The following CIC variants were observed in gnomAD, a reference collection of about 807,000 sequenced individuals.
CIC encodes the protein capicua transcriptional repressor, also known as protein capicua homolog.
CIC carries 18 observed loss-of-function variants against 115.7 expected under a neutral mutation model. The observed-to-expected ratio is 0.16, with a 90% confidence interval of 0.11 to 0.23. The LOEUF is 0.23. Among genes scored for constraint, CIC ranks in the 10% least tolerant of loss-of-function variants. CIC has a pLI of 1.00. For missense variants in CIC, 2,000 were observed against 2,159.3 expected, an observed-to-expected ratio of 0.93 and a Z score of 1.46; for synonymous variants, 1,076 against 923.0, an observed-to-expected ratio of 1.17 and a Z score of -3.01.
At position 42,291,075 on chromosome 19, in the gene CIC, G is replaced by A. The variant is rs1253547839; in HGVS notation, c.5034G>A (p.Gly1678=). Residue 1678 remains glycine (G), a synonymous_variant, in exon 11 of 21, where the codon GGG becomes GGA. Transcript: ENST00000681038. ...CTAACCTACTGGTGGGCACCCCGGGGTATGGGGCCCCTGCGCCCCCTGCTG... is the reference window on the plus strand; with the variant it reads ...CTAACCTACTGGTGGGCACCCCGGGATATGGGGCCCCTGCGCCCCCTGCTG... ...TVTNLLVGTP[G]YGAPAPPAVQ... 2 of 1,613,820 alleles carry A rather than the reference G, an allele frequency of 1.2e-6. No individual in the cohort carries two copies. The highest frequency in any genetic ancestry group is 1.3e-5 in the African/African-American group (1 of 75,030).
Position 42,270,037 on chromosome 19 carries a change from CG to C in CIC, c.-11+657del, listed in dbSNP as rs1283457898. 6.6e-6 allele frequency among the ~76,000 whole-genome samples: 1 copy of C among 151,966 alleles called. No homozygotes were observed. Among genetic ancestry groups the C allele is most frequent in the Non-Finnish European group, 1.5e-5 (1 of 67,984 alleles). ...TAGGGGAAAGAAAGCAGCTCTGGGG[CG>C]AAGAGAGGCTGGGCCAGGCAGCAAG... On this transcript the variant is annotated intron_variant, in intron 1 of 20. Coordinates refer to ENST00000681038, the MANE Select transcript of CIC (RefSeq NM_001386298.1). This position sits in a 1 kb window ranked among gnomAD's most constrained non-coding sequence, Gnocchi z 4.1.
chr19:42,282,729 C>G (rs958834009), intron 2 of CIC, among the ~76,000 whole-genome samples: 2 of 152,214 alleles, frequency 1.3e-5, no homozygotes, highest in African/African-American at 4.8e-5. Context: ...ATCTCTGAGG[C>G]TCATTTTTTC....
chr19:42,276,460 C>G (rs2036981254), intron 2 of CIC, among the ~76,000 whole-genome samples: 1 of 152,128 alleles, frequency 6.6e-6, no homozygotes, highest in African/African-American at 2.4e-5. Flanking sequence ...TGGGTAGGAG[C>G]CGCTGTGGCT....
chr19:42,273,850 G>T lies in CIC; in HGVS notation c.2067G>T (p.Glu689Asp), dbSNP rs1196324002. Residue 689 changes from glutamate (E) to aspartate (D), a missense_variant, in exon 2 of 21, where the codon GAG (glutamate) becomes GAT (aspartate). Transcript: ENST00000681038. ...GPHPPPPAPRERHSSGILPTF... is the reference protein window; with the variant it reads ...GPHPPPPAPRDRHSSGILPTF... ...ACCCACCGCCACCTGCCCCCCGAGAGCGCCACTCCTCTGGAATCCTACCCA... is the reference window on the plus strand; with the variant it reads ...ACCCACCGCCACCTGCCCCCCGAGATCGCCACTCCTCTGGAATCCTACCCA... 2.0e-5 allele frequency: 8 copies of T among 398,512 alleles called. No individual in the cohort carries two copies. The highest frequency in any genetic ancestry group is 3.1e-5 in the Non-Finnish European group (7 of 226,178). The allele number at this position is 398,512 out of a possible 1,614,324, so 24.7% of individuals were successfully genotyped here.
intron 2 of CIC, among the ~76,000 whole-genome samples, chr19:42,282,262 G>A (rs1443210177): frequency 6.6e-6 from 1 of 152,204 alleles, no homozygotes; most frequent in Admixed American, 6.5e-5. Context: ...TTTGGGCTCA[G>A]GTTACCCAGT....
At chr19:42,292,540 C>T (rs200337514) in intron 14 of CIC, 26 bp from the exon 15 acceptor site, 58 of 1,612,538 alleles carry the variant, frequency 3.6e-5, no homozygotes, top group Non-Finnish European at 4.7e-5. Flanking sequence ...AACTTGGTCT[C>T]CTGCTTCTTC....
At chr19:42,290,211 T>C in intron 10 of CIC, 22 bp from the exon 11 acceptor site, 1 of 1,613,716 alleles carries the variant, frequency 6.2e-7, no homozygotes, top group Non-Finnish European at 8.5e-7. Context: ...TGACCTGGGG[T>C]GTCTCCCTTC....
At chr19:42,283,451 G>T (rs138358776) in intron 2 of CIC, among the ~76,000 whole-genome samples, 2,346 of 152,226 alleles carry the variant, frequency 0.015, 33 homozygotes, top group Non-Finnish European at 0.022. Flanking sequence ...ATCTGTGTGA[G>T]CAGGTATGTG....
intron 13 of CIC, 42 bp downstream of exon 13, chr19:42,292,249 T>C: frequency 6.2e-7 from 1 of 1,613,570 alleles, no homozygotes; most frequent in Admixed American, 1.7e-5. Flanking sequence ...AGGGAAGGGG[T>C]GGGGCGGGGC....
rs140073507 is a variant in CIC at position 42,292,651 on chromosome 19, C to T, written c.5988C>T (p.Pro1996=). The T allele has an allele frequency of 8.4e-5, 136 of 1,613,662 alleles. 2 individuals carry two copies. The South Asian group carries it at 9.0e-4, about 11-fold the overall frequency. The change falls in exon 15 of 21, where the codon CCC becomes CCT. Residue 1996 remains proline (P), a synonymous_variant. Coordinates refer to ENST00000681038, the MANE Select transcript of CIC (RefSeq NM_001386298.1). ...SPQLPPACAA[P]GGPVITAFYS... ...AGCTGCCGCCTGCCTGTGCAGCCCCCGGAGGTCCTGTCATAACAGCATTTT... is the reference window on the plus strand; with the variant it reads ...AGCTGCCGCCTGCCTGTGCAGCCCCTGGAGGTCCTGTCATAACAGCATTTT...
intron 2 of CIC, among the ~76,000 whole-genome samples, chr19:42,275,688 T>C (rs2036949009): frequency 6.6e-6 from 1 of 152,338 alleles, no homozygotes; most frequent in South Asian, 2.1e-4. Flanking sequence ...TATATTTTTT[T>C]ATTTTTATAG....
rs957655967 is a variant in CIC at position 42,280,924 on chromosome 19, C to T, written c.2795-5847C>T. On this transcript the variant is annotated intron_variant, in intron 2 of 20. Coordinates refer to ENST00000681038, the MANE Select transcript of CIC (RefSeq NM_001386298.1). This position sits in a 1 kb window ranked among gnomAD's most constrained non-coding sequence, Gnocchi z 4.9. ...ACCCACGTCTCTCAACCCCCCCACCCCCGCATCCCACCCATCTCCCAATCC... is the reference window on the plus strand; with the variant it reads ...ACCCACGTCTCTCAACCCCCCCACCTCCGCATCCCACCCATCTCCCAATCC... Among the ~76,000 whole-genome samples, 1 of 151,646 alleles carries T rather than the reference C, an allele frequency of 6.6e-6. No homozygotes were observed. Among genetic ancestry groups the T allele is most frequent in the African/African-American group, 2.4e-5 (1 of 41,256 alleles).
chr19:42,284,664 A>T (rs1198589851), intron 2 of CIC: 1 of 1,483,396 alleles, frequency 6.7e-7, no homozygotes, highest in African/African-American at 1.4e-5. Context: ...TCGGCCGCTG[A>T]GGAGGTGCGA....
At position 42,289,415 on chromosome 19, in the gene CIC, T is replaced by A; in HGVS notation, c.4087+9T>A. 3 of 1,563,558 alleles carry A rather than the reference T, an allele frequency of 1.9e-6. No homozygotes were observed. The highest frequency in any genetic ancestry group is 2.6e-6 in the Non-Finnish European group (3 of 1,153,640). ...GGATGATGATGTCATTGGTGAGCAT[T>A]GCAGGGCCCAGAATCTTGCCCAGGA... On this transcript the variant is annotated intron_variant, in intron 9 of 20. Coordinates refer to ENST00000681038, the MANE Select transcript of CIC (RefSeq NM_001386298.1).
intron 7 of CIC, 148 bp from the exon 8 acceptor site, chr19:42,288,740 T>C: frequency 1.3e-6 from 1 of 740,990 alleles, no homozygotes; most frequent in South Asian, 1.5e-5. Context: ...GGACTGGTGG[T>C]GGGTGGTGGT....
chr19:42,290,778 C>A lies in CIC; in HGVS notation c.4737C>A (p.Thr1579=), dbSNP rs935803750. The change falls in exon 11 of 21, where the codon ACC becomes ACA. Residue 1579 remains threonine, a synonymous_variant. Transcript: ENST00000681038. ...PAAPLSRPAA[T]MVTNVVRPVS... ...CTCCCCTGTCCCGTCCTGCCGCCACCATGGTCACCAATGTGGTGCGGCCTG... is the reference window on the plus strand; with the variant it reads ...CTCCCCTGTCCCGTCCTGCCGCCACAATGGTCACCAATGTGGTGCGGCCTG... 1 of 1,611,880 alleles carries A rather than the reference C, an allele frequency of 6.2e-7. No individual in the cohort carries two copies. The highest frequency in any genetic ancestry group is 8.5e-7 in the Non-Finnish European group (1 of 1,179,404).
intron 2 of CIC, 118 bp downstream of exon 2, chr19:42,274,695 CCT>C: frequency 2.5e-6 from 1 of 397,832 alleles, no homozygotes; most frequent in East Asian, 3.6e-5. Flanking sequence ...AGGCCGGCCT[CCT>C]CTCTGCACAG....
Position 42,270,919 on chromosome 19 carries a change from A to G in CIC, c.-10-855A>G, listed in dbSNP as rs553157741. Among the ~76,000 whole-genome samples, 36 of 152,106 alleles carry G rather than the reference A, an allele frequency of 2.4e-4. No individual in the cohort carries two copies. The highest frequency in any genetic ancestry group is 4.0e-4 in the Non-Finnish European group (27 of 67,976). Reference sequence around the variant, plus strand: ...TGCTGGGTATGAGCTCTTGCCCCAGACATGCCCCTGCCTGCTCCCTGCCAG... The same window carrying G: ...TGCTGGGTATGAGCTCTTGCCCCAGGCATGCCCCTGCCTGCTCCCTGCCAG... On this transcript the variant is annotated intron_variant, in intron 1 of 20. Transcript: ENST00000681038. This position sits in a 1 kb window ranked among gnomAD's most constrained non-coding sequence, Gnocchi z 4.1.
rs1343959540 is a variant in CIC, at chr19:42,270,860, C to T, written c.-10-914C>T. ...TTCTGTGCGTGTGTGTGTGTTTGTGCGCGTGCGTGTGCTCATGCACGGCCC... is the reference window on the plus strand; with the variant it reads ...TTCTGTGCGTGTGTGTGTGTTTGTGTGCGTGCGTGTGCTCATGCACGGCCC... On this transcript the variant is annotated intron_variant, in intron 1 of 20. Coordinates refer to ENST00000681038, the MANE Select transcript of CIC (RefSeq NM_001386298.1). This position sits in a 1 kb window ranked among gnomAD's most constrained non-coding sequence, Gnocchi z 4.1. Among the ~76,000 whole-genome samples, 3 of 152,048 alleles carry T rather than the reference C, an allele frequency of 2.0e-5. No homozygotes were observed. The highest frequency in any genetic ancestry group is 2.9e-5 in the Non-Finnish European group (2 of 67,964).
Sources: allele counts gnomAD v4.1 joint callset (sites outside exome capture counted in the v4.1 genomes callset), GRCh38; gene constraint gnomAD v4.1.1; non-coding constraint Gnocchi (gnomAD v3.1); transcripts MANE v1.5; gene names NCBI Gene and HGNC (gene_info 2026-07-23, HGNC 2026-07-21).